The following TSKS variants were observed in gnomAD, a reference collection of about 807,000 sequenced individuals.
The protein encoded by TSKS is testis-specific serine kinase substrate.
In TSKS, 27 loss-of-function variants were observed where a neutral mutation model predicts 68.0. The ratio of observed to expected loss-of-function variants is 0.40; its 90% CI spans 0.29 to 0.55. TSKS has a LOEUF of 0.55. Among genes scored for constraint, TSKS ranks in the 20% least tolerant of loss-of-function variants. The probability of loss-of-function intolerance (pLI) is 0.53; values close to 1 mark genes in which losing one functional copy is unlikely to be tolerated. For missense variants in TSKS, 806 were observed against 776.0 expected (o/e 1.04, Z -0.46); for synonymous variants, 331 against 340.4 (o/e 0.97, Z 0.30).
At chr19:49,756,155 G>C (rs1298413768) in intron 2 of TSKS, among the ~76,000 whole-genome samples, 1 of 152,088 alleles carries the variant, frequency 6.6e-6, no homozygotes, top group Non-Finnish European at 1.5e-5. Context: ...AGGAATGCAA[G>C]GTTGGTTCAA....
intron 2 of TSKS, among the ~76,000 whole-genome samples, chr19:49,750,558 A>T (rs1044265128): frequency 6.6e-6 from 1 of 151,936 alleles, no homozygotes; most frequent in African/African-American, 2.4e-5. Context: ...TGCCCGGCCT[A>T]TCATTGACAT....
chr19:49,743,792 G>C (rs911190680), intron 8 of TSKS, among the ~76,000 whole-genome samples: 6 of 151,514 alleles, frequency 4.0e-5, no homozygotes, highest in African/African-American at 7.3e-5. Flanking sequence ...GAGCCACCGC[G>C]CCCAGCCTGG....
Position 49,745,574 on chromosome 19 carries a change from G to A in TSKS, c.993-178C>T, listed in dbSNP as rs112953891. ...ACCCTCCATTTGGTGAAATTTGGTC[G>A]TGTCCTCCAGAGCCCCGCCTTTATC... On this transcript the variant is annotated intron_variant, in intron 6 of 10. Transcript: ENST00000246801. Among the ~76,000 whole-genome samples, 17 of 152,020 alleles carry A rather than the reference G, an allele frequency of 1.1e-4. 1 individual carries two copies. In the East Asian group the frequency reaches 1.9e-3, roughly 17 times the overall value.
At chr19:49,745,900 T>C (rs569420197) in intron 6 of TSKS, among the ~76,000 whole-genome samples, 27 of 152,088 alleles carry the variant, frequency 1.8e-4, no homozygotes, top group African/African-American at 6.5e-4. Context: ...GGTTAAGATC[T>C]AGGCCGGGCG....
At chr19:49,746,328 G>GGTGAAC in intron 6 of TSKS, 142 bp downstream of exon 6, 2 of 986,588 alleles carry the variant, frequency 2.0e-6, no homozygotes, top group Non-Finnish European at 3.0e-6. Context: ...TCAGGTCCCC[G>GGTGAAC]AGGCTCCACC....
chr19:49,750,362 C>T (rs1232935403), intron 2 of TSKS, among the ~76,000 whole-genome samples: 1 of 151,290 alleles, frequency 6.6e-6, no homozygotes, highest in Admixed American at 6.6e-5. Flanking sequence ...AGGTTCAAGC[C>T]ATTCTCCTGC....
chr19:49,760,494 G>A (rs1422789583), intron 2 of TSKS, among the ~76,000 whole-genome samples: 1 of 151,628 alleles, frequency 6.6e-6, no homozygotes, highest in Non-Finnish European at 1.5e-5. Context: ...ACACCATCAG[G>A]CCCAGCTAAT....
In TSKS at chr19:49,745,269, G is replaced by C; in HGVS notation, c.1120C>G (p.Arg374Gly). The C allele has an allele frequency of 1.2e-6, 2 of 1,607,420 alleles. No individual in the cohort carries two copies. Among genetic ancestry groups the C allele is most frequent in the Non-Finnish European group, 1.7e-6 (2 of 1,179,530 alleles). ...GFLGQWERAQ[R>G]EQAQTARDLQ... ...TCCCGCGCCGTCTGTGCCTGTTCGCGCTGTGCCCGCTCCCACTGGCCTAGG... is the reference window on the plus strand; with the variant it reads ...TCCCGCGCCGTCTGTGCCTGTTCGCCCTGTGCCCGCTCCCACTGGCCTAGG... Residue 374 changes from arginine to glycine, a missense_variant, in exon 7 of 11, where the codon CGC (arginine) becomes GGC (glycine). By Grantham distance (125) the Arg-to-Gly change is moderately radical (BLOSUM62 -2). Transcript: ENST00000246801.
At chr19:49,760,133 G>T (rs940265072) in intron 2 of TSKS, among the ~76,000 whole-genome samples, 1 of 151,886 alleles carries the variant, frequency 6.6e-6, no homozygotes, top group Non-Finnish European at 1.5e-5. Flanking sequence ...CCTGGCTACA[G>T]AGTGAGACTC....
At chr19:49,746,396 G>GCATCTCCTCGAGGCTCCACCC (rs1457613628) in intron 6 of TSKS, 74 bp downstream of exon 6, 18 of 1,545,400 alleles carry the variant, frequency 1.2e-5, no homozygotes, top group Non-Finnish European at 1.6e-5. Flanking sequence ...CCCGCCCACC[G>GCATCTCCTCGAGGCTCCACCC]CATCTCCTCG....
chr19:49,752,677 G>C (rs886361012), intron 2 of TSKS, among the ~76,000 whole-genome samples: 1 of 152,214 alleles, frequency 6.6e-6, no homozygotes, highest in Non-Finnish European at 1.5e-5. Context: ...ACTGCCGAAG[G>C]CAATGGATAA....
At chr19:49,747,329 T>C in intron 5 of TSKS, 60 bp downstream of exon 5, 1 of 1,613,342 alleles carries the variant, frequency 6.2e-7, no homozygotes, top group East Asian at 2.2e-5. Context: ...AAGTGTATCT[T>C]GAGTCCCTCG....
chr19:49,746,136 C>T (rs112301620), intron 6 of TSKS, among the ~76,000 whole-genome samples: 9,115 of 151,940 alleles, frequency 0.06, 297 homozygotes, highest in East Asian at 0.095. Flanking sequence ...TGAGCCAAGA[C>T]GGCGCCACTG....
chr19:49,763,185 G>A lies in TSKS; in HGVS notation c.63C>T (p.Thr21=), dbSNP rs2084458949. Residue 21 remains threonine (T), a synonymous_variant, in exon 1 of 11, where the codon ACC becomes ACT. Coordinates refer to ENST00000246801, the MANE Select transcript of TSKS (RefSeq NM_021733.2). This position sits in a 1 kb window ranked among gnomAD's most constrained non-coding sequence, Gnocchi z 4.5. ...QSKEIHEAGD[T]PTGVESCSQL... is the part of the protein sequence containing the mutation. ...GGGAGCAGCTCTCCACCCCCGTGGG[G>A]GTGTCCCCGGCCTCATGGATCTCTT... The A allele has an allele frequency of 6.3e-7, 1 of 1,594,906 alleles. No individual in the cohort carries two copies. Among genetic ancestry groups the A allele is most frequent in the Non-Finnish European group, 8.5e-7 (1 of 1,170,818 alleles).
At chr19:49,741,151 C>G (rs978640511) in intron 9 of TSKS, among the ~76,000 whole-genome samples, 1 of 152,118 alleles carries the variant, frequency 6.6e-6, no homozygotes, top group Non-Finnish European at 1.5e-5. Context: ...GCACTCCAGC[C>G]TGGGCGACAG....
chr19:49,755,810 G>C (rs1170838885), intron 2 of TSKS, among the ~76,000 whole-genome samples: 2 of 152,134 alleles, frequency 1.3e-5, no homozygotes, highest in African/African-American at 4.8e-5. Flanking sequence ...AAACCAGCCT[G>C]GCCAAGATGG....
chr19:49,752,991 A>G (rs1239388588), intron 2 of TSKS, among the ~76,000 whole-genome samples: 1 of 152,260 alleles, frequency 6.6e-6, no homozygotes, highest in Admixed American at 6.5e-5. Flanking sequence ...AGACTAGAAG[A>G]TTTTGTTGTT....
rs773744796 is a variant in TSKS at position 49,746,548 on chromosome 19, A to G, written c.914T>C (p.Met305Thr). 3.7e-6 allele frequency: 6 copies of G among 1,613,538 alleles called. 1 individual carries two copies. Among genetic ancestry groups the G allele is most frequent in the Non-Finnish European group, 3.4e-6 (4 of 1,179,870 alleles). ...GGGGCCCTCGCCAGCCCGAGGCCCC[A>G]TTCCCCAGCCTGCGGGGACCAGGCC... Reference protein sequence around the residue: ...PHGLVPAGWGMGPRAGEGPYV... With the variant: ...PHGLVPAGWGTGPRAGEGPYV... The change falls in exon 6 of 11, where the codon ATG (methionine) becomes ACG (threonine). Residue 305 changes from methionine to threonine, a missense_variant. Met to Thr is a moderately conservative substitution (Grantham distance 81, BLOSUM62 -1). Coordinates refer to ENST00000246801, the MANE Select transcript of TSKS (RefSeq NM_021733.2).
rs2084319877 is a variant in TSKS at position 49,748,302 on chromosome 19, T to G, written c.495+72A>C. 3 of 1,576,780 alleles carry G rather than the reference T, an allele frequency of 1.9e-6. No homozygotes were observed. In the Admixed American group the frequency reaches 5.1e-5, roughly 27 times the overall value. On this transcript the variant is annotated intron_variant, in intron 3 of 10. Transcript: ENST00000246801. The stretch of plus-strand genomic sequence containing the variant: ...CAACTGAGCTATGGGTGCATTCTGC[T>G]GGAGGCAGGCTCCAAGAAGGGAACT...
Sources: gnomAD v4.1 joint callset for allele counts (sites outside exome capture counted in the v4.1 genomes callset) on GRCh38, gnomAD v4.1.1 for gene constraint, Gnocchi (gnomAD v3.1) non-coding constraint, MANE v1.5 for transcripts, NCBI Gene and HGNC (gene_info 2026-07-23, HGNC 2026-07-21) for gene names.